The following RBM6 variants were observed in gnomAD, a reference collection of about 807,000 sequenced individuals.
RBM6 encodes the protein RNA-binding protein 6.
A neutral mutation model predicts 140.4 loss-of-function variants in RBM6; 23 were observed. That is an observed-to-expected ratio of 0.16 (90% CI 0.12 to 0.23). The LOEUF (loss-of-function observed/expected upper bound fraction) is 0.23. Ranked by LOEUF, RBM6 falls within the 10% of genes least tolerant of loss-of-function variation. The pLI is 1.00. For missense variants in RBM6, 1,139 were observed against 1,386.7 expected, an observed-to-expected ratio of 0.82 and a Z score of 2.84; for synonymous variants, 439 against 475.6, an observed-to-expected ratio of 0.92 and a Z score of 1.00.
chr3:50,002,047 T>G (rs145142962), intron 6 of RBM6, among the ~76,000 whole-genome samples: 12 of 152,230 alleles, frequency 7.9e-5, no homozygotes, highest in Non-Finnish European at 1.5e-4. Context: ...TTCAGTGTCC[T>G]TCTTTCTCTC....
intron 6 of RBM6, among the ~76,000 whole-genome samples, chr3:50,020,673 G>A (rs1400501837): frequency 1.3e-5 from 2 of 152,168 alleles, no homozygotes; most frequent in East Asian, 1.9e-4. Flanking sequence ...ACCATGGAGT[G>A]TACATACACA....
intron 7 of RBM6, among the ~76,000 whole-genome samples, chr3:50,048,802 G>A (rs1322261051): frequency 6.6e-6 from 1 of 151,914 alleles, no homozygotes; most frequent in Non-Finnish European, 1.5e-5. Context: ...TAAAATTTTA[G>A]GCTATACTCT....
chr3:50,000,764 T>C (rs960194317), intron 6 of RBM6, among the ~76,000 whole-genome samples: 3 of 152,160 alleles, frequency 2.0e-5, no homozygotes, highest in Non-Finnish European at 4.4e-5. Context: ...AGAGTAGTTA[T>C]TAGATGAGAA....
At chr3:50,024,997 C>CAA (rs796768138) in intron 6 of RBM6, among the ~76,000 whole-genome samples, 1 of 126,186 alleles carries the variant, frequency 7.9e-6, no homozygotes. Context: ...TCTCAAAAAA[C>CAA]AAAAAACAAA....
chr3:50,059,029 G>C (rs1401964344), intron 10 of RBM6: 4 of 153,354 alleles, frequency 2.6e-5, no homozygotes, highest in African/African-American at 9.7e-5. Context: ...ATTCAGGTCA[G>C]GTGACAGCCC....
At chr3:49,995,303 C>A (rs1351055345) in intron 5 of RBM6, among the ~76,000 whole-genome samples, 1 of 152,080 alleles carries the variant, frequency 6.6e-6, no homozygotes, top group Non-Finnish European at 1.5e-5. Context: ...CGGTGGCTCA[C>A]GCCTGTAATC....
intron 14 of RBM6, 41 bp from the exon 15 acceptor site, chr3:50,061,921 G>A (rs1441097903): frequency 2.5e-6 from 4 of 1,593,398 alleles, no homozygotes; most frequent in African/African-American, 1.4e-5. Flanking sequence ...CTGGGAAACT[G>A]AAACATTCTG....
intron 5 of RBM6, among the ~76,000 whole-genome samples, chr3:49,996,865 T>C (rs1027076603): frequency 6.6e-6 from 1 of 152,160 alleles, no homozygotes; most frequent in Non-Finnish European, 1.5e-5. Flanking sequence ...AGTGTAGTGG[T>C]TAAAAACATC....
chr3:50,003,297 C>A (rs1418615365), intron 6 of RBM6, among the ~76,000 whole-genome samples: 2 of 133,574 alleles, frequency 1.5e-5, no homozygotes, highest in Non-Finnish European at 3.1e-5. Flanking sequence ...TAGTGAGACC[C>A]TGTCTAAATT....
At chr3:49,952,159 C>T (rs1456483654) in intron 1 of RBM6, among the ~76,000 whole-genome samples, 6 of 151,844 alleles carry the variant, frequency 4.0e-5, no homozygotes, top group African/African-American at 7.3e-5. Flanking sequence ...CTCAGCCTCC[C>T]GAGTATATAG....
chr3:50,062,932 C>CTG (rs2089994735), intron 15 of RBM6, among the ~76,000 whole-genome samples: 1 of 138,726 alleles, frequency 7.2e-6, no homozygotes, highest in Non-Finnish European at 1.5e-5. Flanking sequence ...CTTCCTCTGT[C>CTG]TCCCAGGTTG....
intron 1 of RBM6, among the ~76,000 whole-genome samples, chr3:49,955,888 A>G (rs931157796): frequency 4.6e-5 from 6 of 131,840 alleles, no homozygotes; most frequent in Admixed American, 2.2e-4. Context: ...GTGTGTGTAT[A>G]TGTATATATA....
At chr3:49,973,585 T>C (rs2084900490) in intron 4 of RBM6, among the ~76,000 whole-genome samples, 2 of 136,504 alleles carry the variant, frequency 1.5e-5, no homozygotes, top group Admixed American at 1.5e-4. Flanking sequence ...TCTGCTTTTC[T>C]TTTTTTTTTT....
intron 5 of RBM6, among the ~76,000 whole-genome samples, chr3:49,979,085 A>G (rs905253412): frequency 6.6e-6 from 1 of 152,228 alleles, no homozygotes; most frequent in Admixed American, 6.5e-5. Context: ...TCATAAGGAT[A>G]TATACACTAC....
At chr3:50,012,555 C>T (rs1487399062) in intron 6 of RBM6, among the ~76,000 whole-genome samples, 3 of 151,342 alleles carry the variant, frequency 2.0e-5, no homozygotes, top group Non-Finnish European at 4.4e-5. Context: ...GACGGGGTTT[C>T]ACCGTGTTAG....
At chr3:50,062,935 C>G (rs1237433959) in intron 15 of RBM6, among the ~76,000 whole-genome samples, 1 of 149,758 alleles carries the variant, frequency 6.7e-6, no homozygotes, top group African/African-American at 2.5e-5. Context: ...CCTCTGTCTC[C>G]CAGGTTGGAG....
intron 1 of RBM6, among the ~76,000 whole-genome samples, chr3:49,955,892 A>G (rs1046852548): frequency 4.8e-5 from 7 of 146,560 alleles, no homozygotes; most frequent in Middle Eastern, 3.6e-3. Context: ...GTGTATATGT[A>G]TATATATTCT....
chr3:49,985,633 G>T (rs1354873189), intron 5 of RBM6, among the ~76,000 whole-genome samples: 1 of 152,098 alleles, frequency 6.6e-6, no homozygotes, highest in African/African-American at 2.4e-5. Context: ...TTGAGATAGA[G>T]CCTCACTCTG....
intron 6 of RBM6, among the ~76,000 whole-genome samples, chr3:50,020,588 T>G (rs1456371328): frequency 6.6e-6 from 1 of 152,230 alleles, no homozygotes; most frequent in African/African-American, 2.4e-5. Flanking sequence ...CAGTTGTGTG[T>G]TAATCCCCAT....
Sources: allele counts gnomAD v4.1 joint callset (sites outside exome capture counted in the v4.1 genomes callset), GRCh38; gene constraint gnomAD v4.1.1; transcripts MANE v1.5; gene names NCBI Gene and HGNC (gene_info 2026-07-23, HGNC 2026-07-21).